Variants in DCAF10 observed in about 807,000 individuals in gnomAD.
DCAF10 encodes the protein DDB1 and CUL4 associated factor 10.
DCAF10 carries 19 observed loss-of-function variants against 51.9 expected under a neutral mutation model. That is an observed-to-expected ratio of 0.37 (90% CI 0.26 to 0.54). The LOEUF is 0.54. Ranked by LOEUF, DCAF10 falls within the 20% of genes least tolerant of loss-of-function variation. The probability of loss-of-function intolerance (pLI) is 0.87; values close to 1 mark genes in which losing one functional copy is unlikely to be tolerated. For missense variants in DCAF10, 510 were observed against 730.6 expected, an observed-to-expected ratio of 0.70 and a Z score of 3.48; for synonymous variants, 291 against 297.1, an observed-to-expected ratio of 0.98 and a Z score of 0.21.
intron 1 of DCAF10, among the ~76,000 whole-genome samples, chr9:37,816,197 T>C (rs535686728): frequency 1.3e-5 from 2 of 152,356 alleles, no homozygotes; most frequent in South Asian, 4.1e-4. Context: ...GAGGAAACTA[T>C]ACAATTTTGT....
intron 2 of DCAF10, among the ~76,000 whole-genome samples, chr9:37,827,723 G>A (rs1041322591): frequency 6.6e-6 from 1 of 152,168 alleles, no homozygotes; most frequent in Non-Finnish European, 1.5e-5. Flanking sequence ...AAGGGAACAA[G>A]AGAGATAATT....
intron 2 of DCAF10, among the ~76,000 whole-genome samples, chr9:37,822,591 A>G (rs2117864127): frequency 6.6e-6 from 1 of 152,092 alleles, no homozygotes; most frequent in Non-Finnish European, 1.5e-5. Flanking sequence ...GACCTAAGCT[A>G]TGAGGACATA....
chr9:37,859,944 G>A, intron 5 of DCAF10, 104 bp from the exon 6 acceptor site: 2 of 1,367,130 alleles, frequency 1.5e-6, no homozygotes, highest in Non-Finnish European at 2.0e-6. Flanking sequence ...GGCAGACTAA[G>A]GAATGACGGC....
At chr9:37,815,207 A>G (rs971706553) in intron 1 of DCAF10, among the ~76,000 whole-genome samples, 4 of 152,228 alleles carry the variant, frequency 2.6e-5, no homozygotes, top group Admixed American at 2.6e-4. Context: ...ACCTACACCA[A>G]ACATTGTACT....
chr9:37,816,659 G>GGTGT (rs1554685707), intron 1 of DCAF10, among the ~76,000 whole-genome samples: 5,039 of 144,952 alleles, frequency 0.035, 203 homozygotes, highest in African/African-American at 0.1. Context: ...CTGCACCTGG[G>GGTGT]GTGTGTGTGT....
chr9:37,820,907 G>A (rs1370710197), intron 2 of DCAF10, among the ~76,000 whole-genome samples: 2 of 151,912 alleles, frequency 1.3e-5, no homozygotes, highest in East Asian at 1.9e-4. Context: ...AATAAATTAT[G>A]TATTTATTTT....
chr9:37,814,399 C>T (rs1227941958), intron 1 of DCAF10, among the ~76,000 whole-genome samples: 1 of 148,074 alleles, frequency 6.8e-6, no homozygotes, highest in African/African-American at 2.5e-5. Context: ...CCGCCCGCCT[C>T]GGCCTCCTAA....
chr9:37,818,771 C>T (rs1275805621), intron 1 of DCAF10, among the ~76,000 whole-genome samples: 1 of 152,102 alleles, frequency 6.6e-6, no homozygotes, highest in Non-Finnish European at 1.5e-5. Flanking sequence ...TTGGCAACCA[C>T]CTTTTTTATT....
chr9:37,805,669 A>G (rs576651734), intron 1 of DCAF10, among the ~76,000 whole-genome samples: 7 of 152,314 alleles, frequency 4.6e-5, no homozygotes, highest in African/African-American at 1.7e-4. Flanking sequence ...ATTCCAAAAG[A>G]AGGCAAGAAA....
chr9:37,841,462 G>A (rs190804974), intron 2 of DCAF10, among the ~76,000 whole-genome samples: 2 of 152,204 alleles, frequency 1.3e-5, no homozygotes, highest in Admixed American at 1.3e-4. Flanking sequence ...AGAAGTTAGT[G>A]TAAAATAATA....
At chr9:37,819,597 G>T (rs1829644685) in intron 2 of DCAF10, among the ~76,000 whole-genome samples, 196 bp downstream of exon 2, 2 of 152,176 alleles carry the variant, frequency 1.3e-5, no homozygotes, top group South Asian at 4.1e-4. Context: ...GGATTGGAAT[G>T]TTTCTGAAAT....
Position 37,865,172 on chromosome 9 carries a change from G to T in DCAF10, c.*3664G>T, listed in dbSNP as rs1564058170. On this transcript the variant is annotated 3_prime_UTR_variant, in exon 7 of 7. Transcript: ENST00000377724. ...TTCCATGAGAATATCATAAACTCAG[G>T]GCACACATTCTGGCCATTCCTGACT... 6.6e-6 allele frequency: 1 copy of T among 151,390 alleles called. No homozygotes were observed. The highest frequency in any genetic ancestry group is 2.4e-5 in the African/African-American group (1 of 41,128). The allele number at this position is 151,390 out of a possible 1,614,324, so 9.4% of individuals were successfully genotyped here. A position where few individuals can be genotyped will look rare whatever the true frequency, so the allele number is the denominator to read the frequency against.
chr9:37,838,868 C>CA (rs893579427), intron 2 of DCAF10, among the ~76,000 whole-genome samples: 1,322 of 120,472 alleles, frequency 0.011, 11 homozygotes, highest in South Asian at 0.025. Context: ...ACTCTGTCTC[C>CA]AAAAAAAAAA....
Position 37,810,681 on chromosome 9 carries a change from C to T in DCAF10, c.540-8607C>T, listed in dbSNP as rs540035742. On this transcript the variant is annotated intron_variant, in intron 1 of 6. Transcript: ENST00000377724. ...TTCTCCATGTTGGTCAGGCTGGTCT[C>T]GACCTCCTGACCTCAGGTGATCTGT... is the stretch of plus-strand genomic sequence containing the variant. Among the ~76,000 whole-genome samples, 84 of 152,228 alleles carry T rather than the reference C, an allele frequency of 5.5e-4. 2 individuals are homozygous for T. Among genetic ancestry groups the T allele is most frequent in the Admixed American group, 4.8e-3 (74 of 15,278 alleles).
chr9:37,854,821 C>T lies in DCAF10; in HGVS notation c.893C>T (p.Thr298Ile), dbSNP rs778121342. ...DGCPHKKFFH[T>I]RFLMRMRLTP... ...TGTCCACATAAGAAATTCTTTCACA[C>T]ACGTTTTCTCATGCGAATGAGGTTA... is the stretch of plus-strand genomic sequence containing the variant. Residue 298 changes from threonine (T) to isoleucine (I), a missense_variant, in exon 4 of 7, where the codon ACA becomes ATA. Physicochemically the swap from Thr to Ile is moderately conservative, Grantham distance 89. This residue lies in a region of DCAF10 where 126 missense variants were observed against 271.5 expected (regional missense o/e 0.46). Coordinates refer to ENST00000377724, the MANE Select transcript of DCAF10 (RefSeq NM_024345.5). 2 of 1,614,038 alleles carry T rather than the reference C, an allele frequency of 1.2e-6. No homozygotes were observed. The highest frequency in any genetic ancestry group is 1.7e-6 in the Non-Finnish European group (2 of 1,179,984).
chr9:37,847,608 C>T (rs1186015993), intron 3 of DCAF10, among the ~76,000 whole-genome samples: 1 of 152,154 alleles, frequency 6.6e-6, no homozygotes, highest in Non-Finnish European at 1.5e-5. Flanking sequence ...GGAAGCAAGG[C>T]TCTCACCACT....
At chr9:37,838,342 A>G (rs1324970868) in intron 2 of DCAF10, among the ~76,000 whole-genome samples, 1 of 152,192 alleles carries the variant, frequency 6.6e-6, no homozygotes, top group African/African-American at 2.4e-5. Flanking sequence ...TGTGGCAAGG[A>G]TTTGGGAAAA....
chr9:37,860,619 A>T (rs1231877441), intron 6 of DCAF10, among the ~76,000 whole-genome samples: 1 of 152,140 alleles, frequency 6.6e-6, no homozygotes, highest in Admixed American at 6.6e-5. Context: ...TTCTTTTTTT[A>T]AAAACCAGGG....
chr9:37,826,603 T>G (rs1040933531), intron 2 of DCAF10, among the ~76,000 whole-genome samples: 9 of 152,140 alleles, frequency 5.9e-5, no homozygotes, highest in African/African-American at 2.2e-4. Context: ...TGGAGCCAAC[T>G]GAGTGCCCAC....
Sources: gnomAD v4.1 joint callset for allele counts (sites outside exome capture counted in the v4.1 genomes callset) on GRCh38, gnomAD v4.1.1 for gene constraint, gnomAD v4.1.1 regional missense constraint, MANE v1.5 for transcripts, NCBI Gene and HGNC (gene_info 2026-07-23, HGNC 2026-07-21) for gene names.